GRID2: variants seen among roughly 807,000 people sequenced by gnomAD.
GRID2 encodes glutamate ionotropic receptor delta type subunit 2, also known as glutamate receptor ionotropic, delta-2.
A neutral mutation model predicts 114.8 loss-of-function variants in GRID2; 33 were observed. The observed-to-expected ratio is 0.29, with a 90% CI of 0.22 to 0.38. The LOEUF (loss-of-function observed/expected upper bound fraction) is 0.38. Among genes scored for constraint, GRID2 ranks in the 10% least tolerant of loss-of-function variants. The pLI, the probability that GRID2 is intolerant of heterozygous loss-of-function variation, is 1.00. For missense variants in GRID2, 1,184 were observed against 1,257.7 expected (o/e 0.94, Z 0.89); for synonymous variants, 505 against 449.9 (o/e 1.12, Z -1.55).
intron 2 of GRID2, among the ~76,000 whole-genome samples, chr4:92,772,803 G>C (rs572644197): frequency 1.6e-4 from 25 of 152,268 alleles, no homozygotes; most frequent in African/African-American, 6.0e-4. Flanking sequence ...CCATGTTACT[G>C]TTTGTCATGG....
intron 13 of GRID2, among the ~76,000 whole-genome samples, chr4:93,518,619 G>A (rs1019803869): frequency 2.6e-5 from 4 of 152,096 alleles, no homozygotes; most frequent in African/African-American, 9.7e-5. Context: ...GGTATGTTCA[G>A]TAGTGAGAAT....
At chr4:92,804,897 T>C (rs1310369771) in intron 2 of GRID2, among the ~76,000 whole-genome samples, 1 of 152,040 alleles carries the variant, frequency 6.6e-6, no homozygotes, top group Non-Finnish European at 1.5e-5. Flanking sequence ...AGTTAGCATT[T>C]AAGATGAAAA....
At chr4:93,674,878 G>A (rs1724717444) in intron 14 of GRID2, among the ~76,000 whole-genome samples, 1 of 151,862 alleles carries the variant, frequency 6.6e-6, no homozygotes, top group African/African-American at 2.4e-5. Context: ...CCTCCCCAAA[G>A]ATTCTCAAAA....
chr4:92,651,475 C>T (rs1337457111), intron 2 of GRID2, among the ~76,000 whole-genome samples: 4 of 152,032 alleles, frequency 2.6e-5, no homozygotes, highest in African/African-American at 9.7e-5. Context: ...AAGAGACTGA[C>T]TGGTATCTAT....
chr4:93,520,348 A>AG (rs1730208069), intron 13 of GRID2, among the ~76,000 whole-genome samples: 1 of 152,136 alleles, frequency 6.6e-6, no homozygotes. Flanking sequence ...GGAAAAAAAA[A>AG]AGCAGATCAT....
At chr4:92,596,771 T>A (rs1728974876) in intron 2 of GRID2, among the ~76,000 whole-genome samples, 1 of 151,990 alleles carries the variant, frequency 6.6e-6, no homozygotes, top group Admixed American at 6.6e-5. Flanking sequence ...ATATATATAT[T>A]TAGAACCTAA....
chr4:93,135,934 CTG>C (rs765070979), intron 4 of GRID2, among the ~76,000 whole-genome samples: 25 of 152,262 alleles, frequency 1.6e-4, no homozygotes, highest in Middle Eastern at 6.8e-3. Context: ...TTTTTATAAA[CTG>C]TGTGGTATGC....
intron 8 of GRID2, among the ~76,000 whole-genome samples, chr4:93,308,221 G>A (rs958834109): frequency 1.2e-4 from 19 of 152,110 alleles, no homozygotes; most frequent in African/African-American, 3.6e-4. Context: ...AGATCTGGCC[G>A]GAAGTGATGG....
At chr4:92,682,801 G>T (rs767064627) in intron 2 of GRID2, among the ~76,000 whole-genome samples, 87 of 152,002 alleles carry the variant, frequency 5.7e-4, no homozygotes, top group Admixed American at 2.6e-4. Context: ...CTGGGTTATT[G>T]AGGACATCCT....
chr4:93,066,753 A>G lies in GRID2; in HGVS notation c.245-18242A>G, dbSNP rs138834476. 3.3e-5 allele frequency among the ~76,000 whole-genome samples: 5 copies of G among 152,150 alleles called. No individual in the cohort carries two copies. In the East Asian group the frequency reaches 9.6e-4, roughly 29 times the overall value. On this transcript the variant is annotated intron_variant, in intron 2 of 15. Transcript: ENST00000282020. ...GTCAAGAATTTGCCTTTTCACTTAA[A>G]GGAAGCACCTTACAGTTTGTCTTTG...
intron 13 of GRID2, among the ~76,000 whole-genome samples, chr4:93,576,637 A>G (rs1736451922): frequency 6.6e-6 from 1 of 152,222 alleles, no homozygotes; most frequent in African/African-American, 2.4e-5. Flanking sequence ...CACATGAAGT[A>G]CATATTGCCC....
At chr4:92,697,591 A>C (rs1734479231) in intron 2 of GRID2, among the ~76,000 whole-genome samples, 1 of 152,248 alleles carries the variant, frequency 6.6e-6, no homozygotes, top group African/African-American at 2.4e-5. Flanking sequence ...ATATCAGCCT[A>C]TGTTGTGGTA....
chr4:92,682,063 G>A (rs773509577), intron 2 of GRID2, among the ~76,000 whole-genome samples: 2 of 146,486 alleles, frequency 1.4e-5, no homozygotes, highest in Non-Finnish European at 3.0e-5. Flanking sequence ...GCCATTGGAG[G>A]TAACGGAAAG....
chr4:92,702,035 A>C (rs1431349031), intron 2 of GRID2, among the ~76,000 whole-genome samples: 1 of 152,180 alleles, frequency 6.6e-6, no homozygotes, highest in African/African-American at 2.4e-5. Context: ...ATGTTGGATC[A>C]GGACATCCTA....
At chr4:92,791,989 G>T (rs1355776843) in intron 2 of GRID2, among the ~76,000 whole-genome samples, 2 of 151,730 alleles carry the variant, frequency 1.3e-5, no homozygotes, top group African/African-American at 2.4e-5. Flanking sequence ...TAAACTCCAG[G>T]CTGTCTTGTT....
intron 14 of GRID2, among the ~76,000 whole-genome samples, chr4:93,647,075 T>G (rs147362694): frequency 6.6e-6 from 1 of 152,236 alleles, no homozygotes; most frequent in East Asian, 1.9e-4. Flanking sequence ...AGAAGGTACT[T>G]ATGAAAGATT....
intron 14 of GRID2, among the ~76,000 whole-genome samples, chr4:93,706,268 G>A (rs1053435469): frequency 2.0e-5 from 3 of 152,124 alleles, no homozygotes; most frequent in Non-Finnish European, 4.4e-5. Context: ...GATTGCTTTG[G>A]ATATAATTGA....
At chr4:92,471,977 A>T (rs1190600696) in intron 1 of GRID2, among the ~76,000 whole-genome samples, 4 of 44,866 alleles carry the variant, frequency 8.9e-5, no homozygotes, top group Middle Eastern at 0.024. Context: ...TCTGTCGCCC[A>T]GGCTGGAGTG....
intron 2 of GRID2, among the ~76,000 whole-genome samples, chr4:92,878,671 CT>C (rs1406775728): frequency 2.0e-5 from 3 of 151,866 alleles, no homozygotes; most frequent in African/African-American, 7.2e-5. Flanking sequence ...ACACTTTTTT[CT>C]TTTTATATTC....
Sources: allele counts gnomAD v4.1 joint callset (sites outside exome capture counted in the v4.1 genomes callset), GRCh38; gene constraint gnomAD v4.1.1; transcripts MANE v1.5; gene names NCBI Gene and HGNC (gene_info 2026-07-23, HGNC 2026-07-21).